The following DCX variants were observed in gnomAD, a reference collection of about 807,000 sequenced individuals.
DCX encodes the protein neuronal migration protein doublecortin.
In DCX, 4 loss-of-function variants were observed where a neutral mutation model predicts 20.9. The observed-to-expected ratio is 0.19, with a 90% CI of 0.09 to 0.44. The LOEUF (loss-of-function observed/expected upper bound fraction) is 0.44. DCX is among the 20% of genes least tolerant of loss of function. The pLI, the probability that DCX is intolerant of heterozygous loss-of-function variation, is 0.99. For missense variants in DCX, 133 were observed against 296.9 expected (o/e 0.45, Z 4.06); for synonymous variants, 103 against 111.4 (o/e 0.92, Z 0.47).
chrX:111,329,826 G>T (rs1921045596), intron 5 of DCX, among the ~76,000 whole-genome samples: 1 of 112,114 alleles, frequency 8.9e-6, no homozygotes, highest in African/African-American at 3.2e-5. Flanking sequence ...TAGCCATCAG[G>T]CTACTCATGA....
rs895197596 is a variant in DCX at position 111,298,981 on chromosome X, A to G, written c.*2706T>C. 9.6e-6 allele frequency: 1 copy of G among 104,508 alleles called. No individual in the cohort carries two copies. The highest frequency in any genetic ancestry group is 4.0e-5 in the African/African-American group (1 of 24,783). The allele number at this position is 104,508 out of a possible 1,213,427, so 8.6% of individuals were successfully genotyped here. A position where few individuals can be genotyped will look rare whatever the true frequency, so the allele number is the denominator to read the frequency against. On this transcript the variant is annotated 3_prime_UTR_variant, in exon 7 of 7. Coordinates refer to ENST00000636035, the MANE Select transcript of DCX (RefSeq NM_001195553.2). ...GTGTGTGTGTGTGTGTGTGTGTAAG[A>G]AGGAGGGAGAAGTATAGGGAGTGGT...
At chrX:111,331,726 G>C (rs1035462717) in intron 4 of DCX, among the ~76,000 whole-genome samples, 2 of 112,218 alleles carry the variant, frequency 1.8e-5, no homozygotes, top group African/African-American at 6.5e-5. Context: ...CCTAGCCTCA[G>C]TCTGACACCT....
intron 5 of DCX, among the ~76,000 whole-genome samples, chrX:111,314,389 G>A (rs2095064826): frequency 8.9e-6 from 1 of 112,013 alleles, no homozygotes; most frequent in African/African-American, 3.2e-5. Flanking sequence ...ACATAGCCTT[G>A]CATAGGGTAT....
intron 4 of DCX, 82 bp from the exon 5 acceptor site, chrX:111,331,123 A>G (rs1031615179): frequency 2.7e-6 from 3 of 1,094,919 alleles, no homozygotes; most frequent in African/African-American, 3.6e-5. Context: ...CGCAATAACC[A>G]TCACAGGCCA....
At chrX:111,334,875 G>C (rs1049405767) in intron 3 of DCX, among the ~76,000 whole-genome samples, 3 of 111,814 alleles carry the variant, frequency 2.7e-5, no homozygotes, top group African/African-American at 9.8e-5. Context: ...GAGAGCTATT[G>C]ATTACCATGT....
chrX:111,362,602 C>T (rs922903156), intron 3 of DCX, among the ~76,000 whole-genome samples: 1 of 111,555 alleles, frequency 9.0e-6, no homozygotes, highest in African/African-American at 3.3e-5. Flanking sequence ...AGGCAGGTTT[C>T]ATCCTCAGTC....
At chrX:111,355,338 T>C (rs1193373317) in intron 3 of DCX, among the ~76,000 whole-genome samples, 1 of 111,478 alleles carries the variant, frequency 9.0e-6, no homozygotes, top group Non-Finnish European at 1.9e-5. Flanking sequence ...AAAATTCTTT[T>C]GTTTTTAAAA....
rs1342235400 is a variant in DCX at position 111,357,052 on chromosome X, G to A, written c.706-23899C>T. The stretch of plus-strand genomic sequence containing the variant: ...ATTACATGTAATATATTTAATAATT[G>A]TAAGTTTTCACATTTAGATTTTTAA... On this transcript the variant is annotated intron_variant, in intron 3 of 6. Coordinates refer to ENST00000636035, the MANE Select transcript of DCX (RefSeq NM_001195553.2). Among the ~76,000 whole-genome samples the A allele has an allele frequency of 3.6e-5, 4 of 112,184 alleles. No homozygotes were observed. The East Asian group carries it at 1.1e-3, about 31-fold the overall frequency.
intron 2 of DCX, among the ~76,000 whole-genome samples, chrX:111,408,691 A>AAAGAAAGAAAGGAAGGAAGG (rs1268843561): frequency 9.7e-6 from 1 of 103,257 alleles, no homozygotes; most frequent in African/African-American, 3.7e-5. Flanking sequence ...AGAAAGAAAG[A>AAAGAAAGAAAGGAAGGAAGG]AAGGAAGGAA....
chrX:111,367,586 C>A (rs1924724745), intron 3 of DCX, among the ~76,000 whole-genome samples: 2 of 111,792 alleles, frequency 1.8e-5, no homozygotes, highest in South Asian at 7.5e-4. Context: ...AACTGAATGC[C>A]TATCCCCTTT....
At chrX:111,328,564 T>C (rs1235256862) in intron 5 of DCX, among the ~76,000 whole-genome samples, 1 of 111,252 alleles carries the variant, frequency 9.0e-6, no homozygotes, top group East Asian at 2.8e-4. Flanking sequence ...TATATGGTGG[T>C]TTAAAAACAG....
intron 3 of DCX, among the ~76,000 whole-genome samples, chrX:111,373,504 A>G (rs890517785): frequency 1.8e-5 from 2 of 111,650 alleles, no homozygotes; most frequent in Non-Finnish European, 3.8e-5. Context: ...CACAAAATAA[A>G]TGGTGTTTGC....
chrX:111,400,657 A>G (rs1435939237), intron 3 of DCX, among the ~76,000 whole-genome samples: 2 of 112,299 alleles, frequency 1.8e-5, no homozygotes, highest in African/African-American at 3.2e-5. Flanking sequence ...TGTATTGAAC[A>G]ATGAAGGTTG....
intron 2 of DCX, among the ~76,000 whole-genome samples, chrX:111,408,692 A>AAGAAAGAG (rs1405724681): frequency 1.8e-5 from 2 of 108,592 alleles, no homozygotes; most frequent in Non-Finnish European, 3.8e-5. Context: ...GAAAGAAAGA[A>AAGAAAGAG]AGGAAGGAAG....
At chrX:111,302,515 A>G (rs60402491) in intron 6 of DCX, among the ~76,000 whole-genome samples, 6,958 of 112,043 alleles carry the variant, frequency 0.062, 568 homozygotes, top group African/African-American at 0.21. Context: ...TCAGTTTTGT[A>G]AGGAATGCCA....
intron 3 of DCX, among the ~76,000 whole-genome samples, chrX:111,394,466 CATAAG>C (rs746509835): frequency 1.8e-5 from 2 of 112,005 alleles, no homozygotes; most frequent in South Asian, 3.7e-4. Flanking sequence ...GAATTTTATA[CATAAG>C]ATGAGTGAAA....
chrX:111,313,780 A>ATT (rs1258307093), intron 5 of DCX, among the ~76,000 whole-genome samples: 1 of 106,553 alleles, frequency 9.4e-6, no homozygotes. Flanking sequence ...ATACTAAAGT[A>ATT]TTTTTTTTTT....
intron 3 of DCX, among the ~76,000 whole-genome samples, chrX:111,395,609 G>C (rs1382564255): frequency 2.7e-5 from 3 of 112,119 alleles, no homozygotes; most frequent in African/African-American, 9.7e-5. Flanking sequence ...ACAGAGCCCA[G>C]CCTGGCTTTT....
At chrX:111,411,958 C>T (rs1424541825) in intron 1 of DCX, 180 bp downstream of exon 1, 1 of 111,767 alleles carries the variant, frequency 8.9e-6, no homozygotes, top group East Asian at 2.8e-4. Flanking sequence ...AACAAAGGAA[C>T]ATCAAACTCA....
Sources: allele counts gnomAD v4.1 joint callset (sites outside exome capture counted in the v4.1 genomes callset), GRCh38; gene constraint gnomAD v4.1.1; transcripts MANE v1.5; gene names NCBI Gene and HGNC (gene_info 2026-07-23, HGNC 2026-07-21).